Variants in PPIC observed in about 807,000 individuals in gnomAD.
The protein encoded by PPIC is peptidylprolyl isomerase C, also known as peptidyl-prolyl cis-trans isomerase C.
Under a neutral mutation model 19.5 loss-of-function variants are expected in PPIC, and 19 were observed. The ratio of observed to expected loss-of-function variants is 0.98; its 90% confidence interval spans 0.68 to 1.43. PPIC has a LOEUF of 1.43. Ranked by LOEUF, PPIC falls within the 40% of genes most tolerant of loss-of-function variation. PPIC has a pLI of 0.00. For synonymous variants in PPIC, 107 were observed against 101.2 expected, an observed-to-expected ratio of 1.06 and a Z score of -0.34; for missense variants, 268 against 268.6, an observed-to-expected ratio of 1.00 and a Z score of 0.02.
intron 1 of PPIC, among the ~76,000 whole-genome samples, chr5:123,034,516 G>A (rs1762979812): frequency 6.6e-6 from 1 of 152,086 alleles, no homozygotes. Context: ...ATCACCAAAA[G>A]CTTCTAAAAG....
intron 1 of PPIC, among the ~76,000 whole-genome samples, chr5:123,032,016 C>T (rs186178076): frequency 1.3e-5 from 2 of 152,264 alleles, no homozygotes; most frequent in Admixed American, 6.5e-5. Flanking sequence ...AGGCTGGTCT[C>T]GAACTCCTGA....
intron 4 of PPIC, among the ~76,000 whole-genome samples, 197 bp downstream of exon 4, chr5:123,025,587 T>C (rs1762839043): frequency 6.6e-6 from 1 of 152,202 alleles, no homozygotes; most frequent in Non-Finnish European, 1.5e-5. Flanking sequence ...TAATTTCTCC[T>C]TGTCAAGTCC....
chr5:123,028,306 T>C (rs1045986211), intron 3 of PPIC, among the ~76,000 whole-genome samples: 3 of 152,184 alleles, frequency 2.0e-5, no homozygotes, highest in Admixed American at 6.5e-5. Context: ...GTCAATATGA[T>C]GAAAGATTTT....
At chr5:123,032,257 T>C (rs1762954019) in intron 1 of PPIC, among the ~76,000 whole-genome samples, 1 of 152,206 alleles carries the variant, frequency 6.6e-6, no homozygotes, top group South Asian at 2.1e-4. Context: ...GGAACTATTA[T>C]CACTAATTTA....
rs1042390175 is a variant in PPIC, at chr5:123,036,405, G to T, written c.117+104C>A. 36 of 1,080,962 alleles carry T rather than the reference G, an allele frequency of 3.3e-5. No homozygotes were observed. Among genetic ancestry groups the T allele is most frequent in the Middle Eastern group, 2.9e-4 (1 of 3,490 alleles). The allele number at this position is 1,080,962 out of a possible 1,614,324, so 67.0% of individuals were successfully genotyped here. A position where few individuals can be genotyped will look rare whatever the true frequency, so the allele number is the denominator to read the frequency against. On this transcript the variant is annotated intron_variant, in intron 1 of 4. Transcript: ENST00000306442. This position sits in a 1 kb window ranked among gnomAD's most constrained non-coding sequence, Gnocchi z 4.5. ...CCGCCTCCAGTCCCCCTGCGCCCGG[G>T]AAGCCTCCACCTCGCCCGCCCTGAC...
chr5:123,028,397 C>A (rs372672336), intron 3 of PPIC: 20 of 172,754 alleles, frequency 1.2e-4, no homozygotes, highest in East Asian at 1.1e-3. Flanking sequence ...CTTCCTCCTG[C>A]AACGCCCACC....
Position 123,025,835 on chromosome 5 carries a change from G to A in PPIC, c.459C>T (p.Pro153=). The change falls in exon 4 of 5, where the codon CCC becomes CCT. Residue 153 remains proline, a synonymous_variant. Transcript: ENST00000306442. ...GSQFFITLTK[P]TWLDGKHVVF... is the part of the protein sequence containing the mutation. ...CCACATGTTTGCCGTCCAACCAGGT[G>A]GGCTTGGTCAAGGTGATAAAGAACT... is the stretch of plus-strand genomic sequence containing the variant. The A allele has an allele frequency of 1.2e-6, 2 of 1,614,024 alleles. 1 individual carries two copies. The highest frequency in any genetic ancestry group is 2.2e-5 in the South Asian group (2 of 91,004).
Position 123,025,901 on chromosome 5 carries a change from C to A in PPIC, c.393G>T (p.Trp131Cys), listed in dbSNP as rs747487256. Reference sequence around the variant, plus strand: ...CAGGCCCAGCGTTGGCCATGCTGACCCACCCAATGCCATAGTGCTTCAGCT... The same window carrying A: ...CAGGCCCAGCGTTGGCCATGCTGACACACCCAATGCCATAGTGCTTCAGCT... ...NFKLKHYGIG[W>C]VSMANAGPDT... Residue 131 changes from tryptophan (W) to cysteine (C), a missense_variant, in exon 4 of 5, where the codon TGG becomes TGT. Trp to Cys is a radical substitution (Grantham distance 215). Transcript: ENST00000306442. 4 of 1,613,668 alleles carry A rather than the reference C, an allele frequency of 2.5e-6. No homozygotes were observed.
rs750956100 is a variant in PPIC at position 123,023,836 on chromosome 5, A to ACACACACACACC, written c.*38_*39insGGTGTGTGTGTG. 9 of 1,602,828 alleles carry ACACACACACACC rather than the reference A, an allele frequency of 5.6e-6. No individual in the cohort carries two copies. The highest frequency in any genetic ancestry group is 6.8e-6 in the Non-Finnish European group (8 of 1,174,830). ...CACACACACACACACACACACACACACCCCTGCCAAAGCATATCCTTGTTT... is the reference window on the plus strand; with the variant it reads ...CACACACACACACACACACACACACACACACACACACCCCCCTGCCAAAGCATATCCTTGTTT... On this transcript the variant is annotated 3_prime_UTR_variant, in exon 5 of 5. Coordinates refer to ENST00000306442, the MANE Select transcript of PPIC (RefSeq NM_000943.5).
chr5:123,023,411 CAGCAA>C lies in PPIC; in HGVS notation c.*459_*463del, dbSNP rs1419191378. 1 of 152,262 alleles carries C rather than the reference CAGCAA, an allele frequency of 6.6e-6. No individual in the cohort carries two copies. The highest frequency in any genetic ancestry group is 1.9e-4 in the East Asian group (1 of 5,190). 9.4% of individuals were successfully genotyped at this position (152,262 alleles called of 1,614,324 possible). A position where few individuals can be genotyped will look rare whatever the true frequency, so the allele number is the denominator to read the frequency against. ...ATCTAAAAGTATTTAATATAAAGAA[CAGCAA>C]AGCACCCTTTTGTCAGAAAGAAATC... On this transcript the variant is annotated 3_prime_UTR_variant, in exon 5 of 5. Coordinates refer to ENST00000306442, the MANE Select transcript of PPIC (RefSeq NM_000943.5).
At chr5:123,028,612 A>G (rs1762897135) in intron 3 of PPIC, 163 bp downstream of exon 3, 2 of 529,992 alleles carry the variant, frequency 3.8e-6, no homozygotes, top group Non-Finnish European at 6.7e-6. Context: ...ACCTGTCGAG[A>G]TGCTGCTAGA....
At position 123,023,810 on chromosome 5, in the gene PPIC, AC is replaced by A; in HGVS notation, c.*64del. The A allele has an allele frequency of 7.7e-7, 1 of 1,306,894 alleles. No individual in the cohort carries two copies. Among genetic ancestry groups the A allele is most frequent in the Non-Finnish European group, 1.0e-6 (1 of 981,276 alleles). The allele number at this position is 1,306,894 out of a possible 1,614,324, so 81.0% of individuals were successfully genotyped here. ...GCAAATAATTGAAAGACAACACAAC[AC>A]ACACACACACACACACACACACACA... On this transcript the variant is annotated 3_prime_UTR_variant, in exon 5 of 5. Coordinates refer to ENST00000306442, the MANE Select transcript of PPIC (RefSeq NM_000943.5).
At chr5:123,027,129 G>C (rs543991828) in intron 3 of PPIC, among the ~76,000 whole-genome samples, 1 of 152,230 alleles carries the variant, frequency 6.6e-6, no homozygotes, top group East Asian at 1.9e-4. Context: ...GGGAGGCAGA[G>C]GTTGTAGTGA....
intron 1 of PPIC, among the ~76,000 whole-genome samples, chr5:123,033,408 T>G (rs1762967024): frequency 1.3e-5 from 2 of 152,110 alleles, no homozygotes; most frequent in African/African-American, 4.8e-5. Flanking sequence ...TTAGTTCCCA[T>G]GAGAACTGGT....
At chr5:123,028,982 T>C in intron 2 of PPIC, 114 bp from the exon 3 acceptor site, 1 of 988,326 alleles carries the variant, frequency 1.0e-6, no homozygotes, top group Non-Finnish European at 1.5e-6. Context: ...CCTACAGAAC[T>C]TGATTCTATC....
intron 1 of PPIC, among the ~76,000 whole-genome samples, chr5:123,030,089 C>T (rs1209680235): frequency 6.6e-6 from 1 of 152,184 alleles, no homozygotes; most frequent in East Asian, 1.9e-4. Context: ...AAAGCCGTCA[C>T]CCTGTAAACT....
At position 123,036,548 on chromosome 5, in the gene PPIC, G is replaced by T. The variant is rs1363634553; in HGVS notation, c.78C>A (p.Ala26=). Residue 26 remains alanine, a synonymous_variant, in exon 1 of 5, where the codon GCC becomes GCA. Coordinates refer to ENST00000306442, the MANE Select transcript of PPIC (RefSeq NM_000943.5). This position sits in a 1 kb window ranked among gnomAD's most constrained non-coding sequence, Gnocchi z 4.5. ...AGGGGCCTCGCTTGCGGAAGCCCTC[G>T]GCCCCCGAAGAAAACACAAGTGCGC... ...GLGALVFSSG[A]EGFRKRGPSV... The T allele has an allele frequency of 5.0e-6, 8 of 1,604,332 alleles. No homozygotes were observed. Among genetic ancestry groups the T allele is most frequent in the African/African-American group, 1.3e-5 (1 of 74,840 alleles).
chr5:123,032,058 A>G lies in PPIC; in HGVS notation c.118-2640T>C, dbSNP rs182159013. On this transcript the variant is annotated intron_variant, in intron 1 of 4. Coordinates refer to ENST00000306442, the MANE Select transcript of PPIC (RefSeq NM_000943.5). ...GTGATCCGCCCATCTTGGCCTCCCA[A>G]AGTGCTGGGATTACAGGCATGAGCC... Among the ~76,000 whole-genome samples the G allele has an allele frequency of 4.4e-3, 675 of 152,312 alleles. 3 individuals are homozygous for G. Among genetic ancestry groups the G allele is most frequent in the African/African-American group, 0.015 (633 of 41,576 alleles).
intron 3 of PPIC, among the ~76,000 whole-genome samples, chr5:123,027,155 T>C (rs772180744): frequency 2.0e-5 from 3 of 151,818 alleles, no homozygotes; most frequent in Non-Finnish European, 4.4e-5. Flanking sequence ...GATCATGCCA[T>C]TGCACTCCAG....
Sources: allele counts gnomAD v4.1 joint callset (sites outside exome capture counted in the v4.1 genomes callset), GRCh38; gene constraint gnomAD v4.1.1; non-coding constraint Gnocchi (gnomAD v3.1); transcripts MANE v1.5; gene names NCBI Gene and HGNC (gene_info 2026-07-23, HGNC 2026-07-21).